Variants in GABRB1 observed in about 807,000 individuals in gnomAD.
The protein encoded by GABRB1 is gamma-aminobutyric acid receptor subunit beta-1.
GABRB1 carries 17 observed loss-of-function variants against 51.6 expected under a neutral mutation model. The observed-to-expected ratio is 0.33, with a 90% confidence interval of 0.23 to 0.49. The LOEUF is 0.49. Ranked by LOEUF, GABRB1 falls within the 20% of genes least tolerant of loss-of-function variation. GABRB1 has a pLI of 0.99. For synonymous variants in GABRB1, 247 were observed against 218.9 expected (o/e 1.13, Z -1.14); for missense variants, 410 against 600.6 (o/e 0.68, Z 3.32).
intron 3 of GABRB1, among the ~76,000 whole-genome samples, chr4:47,149,212 C>G (rs1293307056): frequency 1.3e-5 from 2 of 151,964 alleles, no homozygotes; most frequent in Middle Eastern, 3.4e-3. Flanking sequence ...CAGAAACAGA[C>G]AGAAATTATT....
At chr4:47,088,913 T>A (rs1043760980) in intron 3 of GABRB1, among the ~76,000 whole-genome samples, 2 of 152,218 alleles carry the variant, frequency 1.3e-5, no homozygotes, top group Middle Eastern at 3.2e-3. Flanking sequence ...ATGATTATCA[T>A]TGCTAACCTT....
chr4:47,192,915 A>G (rs1719501110), intron 4 of GABRB1, among the ~76,000 whole-genome samples: 1 of 152,188 alleles, frequency 6.6e-6, no homozygotes, highest in Admixed American at 6.5e-5. Flanking sequence ...TCCCCATTTT[A>G]CAGATGAGAA....
intron 3 of GABRB1, among the ~76,000 whole-genome samples, chr4:47,075,706 A>AT (rs1727516957): frequency 1.3e-5 from 2 of 152,224 alleles, no homozygotes; most frequent in Non-Finnish European, 2.9e-5. Context: ...CCAGTATGGA[A>AT]TCATACAAAA....
chr4:47,288,069 C>A (rs940691063), intron 4 of GABRB1, among the ~76,000 whole-genome samples: 6 of 152,030 alleles, frequency 3.9e-5, no homozygotes, highest in Admixed American at 3.9e-4. Context: ...TGTGAAATAA[C>A]GCATTTGTTG....
intron 3 of GABRB1, among the ~76,000 whole-genome samples, chr4:47,143,959 A>G (rs1717044041): frequency 6.6e-6 from 1 of 151,902 alleles, no homozygotes; most frequent in Non-Finnish European, 1.5e-5. Context: ...CTACTCCAAA[A>G]TATGTGCTGA....
At chr4:47,383,311 T>C (rs1578136697) in intron 5 of GABRB1, among the ~76,000 whole-genome samples, 1 of 152,176 alleles carries the variant, frequency 6.6e-6, no homozygotes, top group East Asian at 1.9e-4. Flanking sequence ...CTTGGTAGAA[T>C]ATGATTATTG....
chr4:47,288,973 A>G (rs1295116093), intron 4 of GABRB1, among the ~76,000 whole-genome samples: 9 of 152,156 alleles, frequency 5.9e-5, no homozygotes, highest in Admixed American at 5.2e-4. Flanking sequence ...ATTTACTAGC[A>G]TGGCACCTTA....
At chr4:47,029,852 A>G (rs1725230707), upstream of GABRB1, among the ~76,000 whole-genome samples, 1 of 152,028 alleles carries the variant, frequency 6.6e-6, no homozygotes, top group African/African-American at 2.4e-5. Context: ...ATTTGCTCGT[A>G]CTATTTTGCT....
At chr4:47,010,954 C>CG (rs1724563752) in intron 1 of GABRB1, among the ~76,000 whole-genome samples, 1 of 147,796 alleles carries the variant, frequency 6.8e-6, no homozygotes, top group Non-Finnish European at 1.5e-5. Flanking sequence ...GAACCTGACA[C>CG]TTTTTTTTTT....
intron 1 of GABRB1, among the ~76,000 whole-genome samples, chr4:47,011,050 T>A (rs978532176): frequency 1.3e-5 from 2 of 152,112 alleles, no homozygotes; most frequent in African/African-American, 4.8e-5. Context: ...GTTAACACGT[T>A]GGTGTGAATA....
chr4:47,249,634 A>G (rs985203694), intron 4 of GABRB1, among the ~76,000 whole-genome samples: 3 of 152,040 alleles, frequency 2.0e-5, no homozygotes, highest in African/African-American at 7.2e-5. Context: ...TATGTTTAGG[A>G]TTGTGATATT....
intron 4 of GABRB1, among the ~76,000 whole-genome samples, chr4:47,165,288 G>T (rs547657508): frequency 6.6e-6 from 1 of 152,034 alleles, no homozygotes; most frequent in South Asian, 2.1e-4. Flanking sequence ...ACTCTTTACA[G>T]ACTTTGCTCC....
In GABRB1 at chr4:47,154,750, T is replaced by C. The variant is rs73136332; in HGVS notation, c.241-6499T>C. 6.5e-3 allele frequency among the ~76,000 whole-genome samples: 987 copies of C among 152,192 alleles called. 10 individuals are homozygous for C. Among genetic ancestry groups the C allele is most frequent in the African/African-American group, 0.022 (924 of 41,550 alleles). On this transcript the variant is annotated intron_variant, in intron 3 of 8. Transcript: ENST00000295454. The stretch of plus-strand genomic sequence containing the variant: ...GAACGTGTTCAGACCTCAGGAGAAC[T>C]AGAAACAGAAGTAGACAGTCTTCGT...
At position 47,147,551 on chromosome 4, in the gene GABRB1, G is replaced by A. The variant is rs191899956; in HGVS notation, c.241-13698G>A. Among the ~76,000 whole-genome samples the A allele has an allele frequency of 1.3e-3, 194 of 152,192 alleles. 1 individual carries two copies. The highest frequency in any genetic ancestry group is 2.4e-3 in the Non-Finnish European group (161 of 67,974). On this transcript the variant is annotated intron_variant, in intron 3 of 8. Transcript: ENST00000295454. ...TTGGGAAGCCCAGGTTCTAGTGGAG[G>A]AAATAAAAGAGCACCCAGCTAATTT... is the stretch of plus-strand genomic sequence containing the variant.
chr4:47,275,507 A>C (rs1723040348), intron 4 of GABRB1, among the ~76,000 whole-genome samples: 1 of 152,156 alleles, frequency 6.6e-6, no homozygotes, highest in Admixed American at 6.6e-5. Flanking sequence ...CTGTGTTTAC[A>C]TAGTCTTTTG....
intron 3 of GABRB1, among the ~76,000 whole-genome samples, chr4:47,137,030 A>G (rs1307563676): frequency 1.3e-5 from 2 of 152,116 alleles, no homozygotes; most frequent in Non-Finnish European, 2.9e-5. Flanking sequence ...CTTTGCCGAT[A>G]TGAAAATGCG....
At chr4:47,081,015 G>T (rs971155550) in intron 3 of GABRB1, among the ~76,000 whole-genome samples, 2 of 152,006 alleles carry the variant, frequency 1.3e-5, no homozygotes, top group Non-Finnish European at 2.9e-5. Context: ...CCAGAATCTG[G>T]GATAAAAAAG....
At chr4:47,281,431 T>A (rs532741219) in intron 4 of GABRB1, among the ~76,000 whole-genome samples, 1 of 152,312 alleles carries the variant, frequency 6.6e-6, no homozygotes, top group South Asian at 2.1e-4. Flanking sequence ...AAGGAAACCT[T>A]TGTACACTGT....
chr4:47,065,165 C>T (rs976560359), intron 3 of GABRB1, among the ~76,000 whole-genome samples: 1 of 152,184 alleles, frequency 6.6e-6, no homozygotes, highest in African/African-American at 2.4e-5. Flanking sequence ...AAACTGGCGA[C>T]ATTTTAAATG....
Sources: allele counts gnomAD v4.1 joint callset (sites outside exome capture counted in the v4.1 genomes callset), GRCh38; gene constraint gnomAD v4.1.1; transcripts MANE v1.5; gene names NCBI Gene and HGNC (gene_info 2026-07-23, HGNC 2026-07-21).